Variants in C20orf96 observed in about 807,000 individuals in gnomAD.
C20orf96 encodes chromosome 20 open reading frame 96.
A neutral mutation model predicts 52.6 loss-of-function variants in C20orf96; 57 were observed. The observed-to-expected ratio is 1.08, with a 90% CI of 0.88 to 1.35. C20orf96 has a LOEUF of 1.35. C20orf96 is among the 40% of genes most tolerant of loss of function. C20orf96 has a pLI of 0.00. For missense variants in C20orf96, 478 were observed against 443.6 expected (o/e 1.08, Z -0.70); for synonymous variants, 168 against 157.2 (o/e 1.07, Z -0.51).
intron 5 of C20orf96, among the ~76,000 whole-genome samples, 196 bp downstream of exon 5, chr20:278,976 G>A (rs780619132): frequency 1.9e-4 from 1 of 5,136 alleles, no homozygotes; most frequent in Non-Finnish European, 4.1e-4. Flanking sequence ...CGGAGGGAGG[G>A]AGGGAGGGAC....
chr20:280,621 A>G (rs1053319009), intron 4 of C20orf96, among the ~76,000 whole-genome samples: 5 of 152,218 alleles, frequency 3.3e-5, no homozygotes, highest in Non-Finnish European at 1.5e-5. Context: ...CTGAATCCCA[A>G]TGTCTGTCTT....
chr20:283,712 CTTTG>C (rs779981786), intron 4 of C20orf96, among the ~76,000 whole-genome samples: 2 of 152,150 alleles, frequency 1.3e-5, no homozygotes, highest in Non-Finnish European at 2.9e-5. Context: ...ACAGCAAACG[CTTTG>C]TTTAACTGGC....
At position 277,388 on chromosome 20, in the gene C20orf96, G is replaced by T. The variant is rs369398699; in HGVS notation, c.566-5C>A. 3.7e-6 allele frequency: 6 copies of T among 1,613,354 alleles called. No homozygotes were observed. Among genetic ancestry groups the T allele is most frequent in the Admixed American group, 1.7e-5 (1 of 60,020 alleles). Reference sequence around the variant, plus strand: ...GCTCTGCCTGCTGCTCAAGATCTGGGGAGGGGTTAGGGAGGTCAGCAGGGA... The same window carrying T: ...GCTCTGCCTGCTGCTCAAGATCTGGTGAGGGGTTAGGGAGGTCAGCAGGGA... On this transcript the variant is annotated splice_polypyrimidine_tract_variant and splice_region_variant and intron_variant, in intron 6 of 10. Coordinates refer to ENST00000360321, the MANE Select transcript of C20orf96 (RefSeq NM_153269.3).
rs6112922 is a variant in C20orf96 at position 283,590 on chromosome 20, C to T, written c.306+373G>A. On this transcript the variant is annotated intron_variant, in intron 4 of 10. Coordinates refer to ENST00000360321, the MANE Select transcript of C20orf96 (RefSeq NM_153269.3). ...AAGTGCTGGGATTATAGGCATGAGC[C>T]ACCACACCCGGCCAAGTTGCTGCAA... 2.9e-3 allele frequency among the ~76,000 whole-genome samples: 445 copies of T among 152,182 alleles called. 4 individuals are homozygous for T. The highest frequency in any genetic ancestry group is 0.01 in the African/African-American group (423 of 41,500).
chr20:286,590 GAAAAGAAAAAGA>G (rs147067453), intron 3 of C20orf96, among the ~76,000 whole-genome samples: 6 of 150,380 alleles, frequency 4.0e-5, no homozygotes, highest in Admixed American at 6.7e-5. Context: ...AGAGGAAAAG[GAAAAGAAAAAGA>G]AAAAGAAAAA....
chr20:279,399 G>C lies in C20orf96; in HGVS notation c.307-69C>G. The C allele has an allele frequency of 2.7e-6, 4 of 1,492,262 alleles. No homozygotes were observed. The South Asian group carries it at 5.0e-5, about 19-fold the overall frequency. The allele number at this position is 1,492,262 out of a possible 1,614,324, so 92.4% of individuals were successfully genotyped here. A position where few individuals can be genotyped will look rare whatever the true frequency, so the allele number is the denominator to read the frequency against. On this transcript the variant is annotated intron_variant, in intron 4 of 10. Transcript: ENST00000360321. ...CCGGCCTGAGCCCCCGAAAGCCCGT[G>C]GACCCGCCGCCCCGGCCCCGCCAGA... is the stretch of plus-strand genomic sequence containing the variant.
chr20:275,361 C>T (rs6112512), intron 10 of C20orf96, among the ~76,000 whole-genome samples: 30,653 of 151,660 alleles, frequency 0.2, 3,996 homozygotes, highest in African/African-American at 0.38. Flanking sequence ...GAAGAAATGG[C>T]GATAGGAGAG....
intron 3 of C20orf96, among the ~76,000 whole-genome samples, chr20:284,627 G>A (rs540139716): frequency 2.0e-5 from 3 of 152,336 alleles, no homozygotes; most frequent in Admixed American, 6.5e-5. Context: ...AGGCCAAGGC[G>A]GGCGGATCAC....
chr20:277,151 A>G lies in C20orf96; in HGVS notation c.724-6T>C. ...CCGAGGTCATCCAGCTCATCCTGGG[A>G]GCCAGCAGAAGGGTGTTGGTCACCA... On this transcript the variant is annotated splice_polypyrimidine_tract_variant and splice_region_variant and intron_variant, in intron 7 of 10. Coordinates refer to ENST00000360321, the MANE Select transcript of C20orf96 (RefSeq NM_153269.3). 1 of 1,613,698 alleles carries G rather than the reference A, an allele frequency of 6.2e-7. No homozygotes were observed. Among genetic ancestry groups the G allele is most frequent in the Non-Finnish European group, 8.5e-7 (1 of 1,179,754 alleles).
At position 289,631 on chromosome 20, in the gene C20orf96, T is replaced by C. The variant is rs777448744; in HGVS notation, c.115A>G (p.Thr39Ala). 1.2e-6 allele frequency: 2 copies of C among 1,614,002 alleles called. No individual in the cohort carries two copies. Among genetic ancestry groups the C allele is most frequent in the South Asian group, 2.2e-5 (2 of 91,078 alleles). Residue 39 changes from threonine to alanine, a missense_variant, in exon 3 of 11, where the codon ACT (threonine) becomes GCT (alanine). By Grantham distance (58) the Thr-to-Ala change is moderately conservative. Coordinates refer to ENST00000360321, the MANE Select transcript of C20orf96 (RefSeq NM_153269.3). ...TTGGCTTGTTGGACTGGAGGCAGAG[T>C]AGATGGCTTGGTTTCCTGCTTGGAC... is the stretch of plus-strand genomic sequence containing the variant. ...QQSKQETKPS[T>A]LPPVQQANSL... is the part of the protein sequence containing the mutation.
At chr20:281,566 C>G (rs1321494437) in intron 4 of C20orf96, among the ~76,000 whole-genome samples, 1 of 152,236 alleles carries the variant, frequency 6.6e-6, no homozygotes, top group Admixed American at 6.5e-5. Context: ...AGTAATCATG[C>G]TGATGTGCTG....
rs371095248 is a variant in C20orf96 at position 290,214 on chromosome 20, G to C, written c.69+45C>G. ...GAGAGTGGAGAGCAGGTGGACTGCAGGGCCAGCGAGCCTCCCACCCCAGCC... is the reference window on the plus strand; with the variant it reads ...GAGAGTGGAGAGCAGGTGGACTGCACGGCCAGCGAGCCTCCCACCCCAGCC... On this transcript the variant is annotated intron_variant, in intron 2 of 10. Coordinates refer to ENST00000360321, the MANE Select transcript of C20orf96 (RefSeq NM_153269.3). 408 of 1,491,164 alleles carry C rather than the reference G, an allele frequency of 2.7e-4. 1 individual carries two copies. The African/African-American group carries it at 5.2e-3, about 19-fold the overall frequency. The allele number at this position is 1,491,164 out of a possible 1,614,324, so 92.4% of individuals were successfully genotyped here.
chr20:275,990 C>A lies in C20orf96; in HGVS notation c.1009G>T (p.Asp337Tyr), dbSNP rs752035358. Residue 337 changes from aspartate (D) to tyrosine (Y), a missense_variant, in exon 10 of 11, where the codon GAT becomes TAT. Asp to Tyr is a radical substitution (Grantham distance 160, BLOSUM62 -3). Coordinates refer to ENST00000360321, the MANE Select transcript of C20orf96 (RefSeq NM_153269.3). ...TACTTGGGTCTCCGAAGCAGAACATCCTCAAATATGACCTCTCGGGGTTCC... is the reference window on the plus strand; with the variant it reads ...TACTTGGGTCTCCGAAGCAGAACATACTCAAATATGACCTCTCGGGGTTCC... The part of the protein sequence containing the change: ...TREPREVIFE[D>Y]VLLRRPKCTP... The A allele has an allele frequency of 1.9e-6, 3 of 1,614,140 alleles. No individual in the cohort carries two copies. The South Asian group carries it at 3.3e-5, about 18-fold the overall frequency.
chr20:290,194 T>C (rs2012500884), intron 2 of C20orf96, 65 bp downstream of exon 2: 1 of 1,272,014 alleles, frequency 7.9e-7, no homozygotes, highest in African/African-American at 1.5e-5. Context: ...ACCGTGAGAG[T>C]GGAGAGCAGG....
In C20orf96 at chr20:290,579, T is replaced by TC; in HGVS notation, c.20+11_20+12insG. On this transcript the variant is annotated intron_variant, in intron 1 of 10. Coordinates refer to ENST00000360321, the MANE Select transcript of C20orf96 (RefSeq NM_153269.3). ...TTTCTTCCAATTTTTTTTTTTTTTT[T>TC]TTTTTACCTACTTTTGTAAGACATG... 1 of 1,572,818 alleles carries TC rather than the reference T, an allele frequency of 6.4e-7. No homozygotes were observed. Among genetic ancestry groups the TC allele is most frequent in the Non-Finnish European group, 8.6e-7 (1 of 1,164,526 alleles).
In C20orf96 at chr20:283,231, C is replaced by T. The variant is rs75001599; in HGVS notation, c.306+732G>A. Among the ~76,000 whole-genome samples, 163 of 152,086 alleles carry T rather than the reference C, an allele frequency of 1.1e-3. 1 individual carries two copies. In the East Asian group the frequency reaches 0.022, roughly 21 times the overall value. ...GGAAATTAATTACCTACAATTGTAGCGATTGATGTGAAAATTTTCATTGTC... is the reference window on the plus strand; with the variant it reads ...GGAAATTAATTACCTACAATTGTAGTGATTGATGTGAAAATTTTCATTGTC... On this transcript the variant is annotated intron_variant, in intron 4 of 10. Coordinates refer to ENST00000360321, the MANE Select transcript of C20orf96 (RefSeq NM_153269.3).
intron 2 of C20orf96, 87 bp downstream of exon 2, chr20:290,172 G>A (rs1028886189): frequency 3.8e-5 from 40 of 1,050,608 alleles, no homozygotes; most frequent in Non-Finnish European, 5.6e-5. Context: ...CTATATCCGC[G>A]GAGCAGTCAC....
rs189459655 is a variant in C20orf96 at position 288,480 on chromosome 20, G to A, written c.187+1079C>T. On this transcript the variant is annotated intron_variant, in intron 3 of 10. Transcript: ENST00000360321. ...ACAGTGCTCTGACTCTCTCTCTAGGGTAGTGTCAACAGAGTCTAGCAGTGA... is the reference window on the plus strand; with the variant it reads ...ACAGTGCTCTGACTCTCTCTCTAGGATAGTGTCAACAGAGTCTAGCAGTGA... Among the ~76,000 whole-genome samples the A allele has an allele frequency of 2.6e-5, 4 of 152,206 alleles. No individual in the cohort carries two copies. In the East Asian group the frequency reaches 5.8e-4, roughly 22 times the overall value.
At chr20:283,307 G>C (rs2012297692) in intron 4 of C20orf96, among the ~76,000 whole-genome samples, 1 of 151,820 alleles carries the variant, frequency 6.6e-6, no homozygotes, top group Non-Finnish European at 1.5e-5. Flanking sequence ...TAATTTACTG[G>C]AATTTTTTTT....
Sources: allele counts gnomAD v4.1 joint callset (sites outside exome capture counted in the v4.1 genomes callset), GRCh38; gene constraint gnomAD v4.1.1; transcripts MANE v1.5; gene names NCBI Gene and HGNC (gene_info 2026-07-23, HGNC 2026-07-21).